Variants in ANTXR1 observed in about 807,000 individuals in gnomAD.
ANTXR1 encodes anthrax toxin receptor 1.
Under a neutral mutation model 78.1 loss-of-function variants are expected in ANTXR1, and 19 were observed. That is an observed-to-expected ratio of 0.24 (90% CI 0.17 to 0.36). ANTXR1 has a LOEUF of 0.36. ANTXR1 is among the 10% of genes least tolerant of loss of function. The probability of loss-of-function intolerance (pLI) is 1.00; values close to 1 mark genes in which losing one functional copy is unlikely to be tolerated. For synonymous variants in ANTXR1, 273 were observed against 260.5 expected, an observed-to-expected ratio of 1.05 and a Z score of -0.46; for missense variants, 518 against 718.6, an observed-to-expected ratio of 0.72 and a Z score of 3.19.
intron 16 of ANTXR1, among the ~76,000 whole-genome samples, chr2:69,192,931 A>G (rs6744159): frequency 0.072 from 10,391 of 145,128 alleles, 871 homozygotes; most frequent in African/African-American, 0.22. Context: ...TCCAGAATTT[A>G]TCATTAGTGT....
At chr2:69,231,575 G>C (rs1445463742) in intron 17 of ANTXR1, among the ~76,000 whole-genome samples, 1 of 152,126 alleles carries the variant, frequency 6.6e-6, no homozygotes, top group Non-Finnish European at 1.5e-5. Context: ...ACTATAATTT[G>C]CTATTTTTCC....
intron 8 of ANTXR1, among the ~76,000 whole-genome samples, chr2:69,089,237 A>G (rs1245754771): frequency 6.6e-6 from 1 of 152,240 alleles, no homozygotes; most frequent in Non-Finnish European, 1.5e-5. Context: ...GGTGACATTC[A>G]GGTACATAGA....
intron 9 of ANTXR1, among the ~76,000 whole-genome samples, chr2:69,094,161 C>A (rs1219717338): frequency 1.3e-5 from 2 of 152,166 alleles, no homozygotes; most frequent in Admixed American, 6.5e-5. Flanking sequence ...GAGGCGTAGC[C>A]CCTCTGTGAC....
intron 7 of ANTXR1, among the ~76,000 whole-genome samples, chr2:69,076,402 T>A (rs539010038): frequency 6.6e-6 from 1 of 152,358 alleles, no homozygotes; most frequent in South Asian, 2.1e-4. Context: ...CAAAAAAATG[T>A]GTATAGGTGC....
At chr2:69,122,004 C>T (rs531632910) in intron 10 of ANTXR1, among the ~76,000 whole-genome samples, 10 of 152,368 alleles carry the variant, frequency 6.6e-5, no homozygotes, top group African/African-American at 2.4e-4. Flanking sequence ...TCTACAGCTA[C>T]ATCTGCTATG....
At chr2:69,219,547 TCTTA>T (rs955539685) in intron 17 of ANTXR1, among the ~76,000 whole-genome samples, 3 of 152,202 alleles carry the variant, frequency 2.0e-5, no homozygotes, top group Non-Finnish European at 4.4e-5. Flanking sequence ...ATTGAGTATT[TCTTA>T]CTGAGTTGTA....
chr2:69,127,893 A>G (rs1672594542), intron 12 of ANTXR1, among the ~76,000 whole-genome samples: 1 of 152,110 alleles, frequency 6.6e-6, no homozygotes, highest in African/African-American at 2.4e-5. Flanking sequence ...CAATCAGGGA[A>G]TCAGTTTTGC....
chr2:69,141,004 C>T (rs1261610422), intron 12 of ANTXR1, among the ~76,000 whole-genome samples: 1 of 152,150 alleles, frequency 6.6e-6, no homozygotes, highest in Non-Finnish European at 1.5e-5. Flanking sequence ...TATGGTTGAT[C>T]AGCTTTGATC....
At chr2:69,043,546 C>A (rs1669672590) in intron 2 of ANTXR1, among the ~76,000 whole-genome samples, 1 of 152,118 alleles carries the variant, frequency 6.6e-6, no homozygotes. Context: ...GTTTTAGGGA[C>A]CAATATTCAA....
intron 17 of ANTXR1, among the ~76,000 whole-genome samples, chr2:69,210,935 C>CAAAAAAA (rs1159790329): frequency 2.3e-4 from 10 of 43,478 alleles, no homozygotes; most frequent in African/African-American, 5.1e-4. Flanking sequence ...GACTCCATCA[C>CAAAAAAA]AAAAAAAAAA....
At chr2:69,152,572 G>A (rs190605150) in intron 13 of ANTXR1, among the ~76,000 whole-genome samples, 8 of 152,212 alleles carry the variant, frequency 5.3e-5, no homozygotes, top group South Asian at 2.1e-4. Context: ...AGTGTTATTC[G>A]ACATGTAATG....
rs1038793388 is a variant in ANTXR1, at chr2:69,125,901, C to G, written c.951+1258C>G. 2.6e-5 allele frequency among the ~76,000 whole-genome samples: 4 copies of G among 152,016 alleles called. No individual in the cohort carries two copies. The South Asian group carries it at 8.3e-4, about 32-fold the overall frequency. ...TGAGCATTTCCAAAATAACCTTTGT[C>G]GGCGTATTCAGTTTCTTTAACTGAA... On this transcript the variant is annotated intron_variant, in intron 12 of 17. Transcript: ENST00000303714.
chr2:69,171,293 G>C (rs927476178), intron 14 of ANTXR1, among the ~76,000 whole-genome samples: 1 of 152,166 alleles, frequency 6.6e-6, no homozygotes, highest in African/African-American at 2.4e-5. Flanking sequence ...ATCAATTAAA[G>C]TGCATCTTGT....
In ANTXR1 at chr2:69,186,040, C is replaced by G. The variant is rs149151465; in HGVS notation, c.1353+3380C>G. Among the ~76,000 whole-genome samples the G allele has an allele frequency of 4.4e-3, 667 of 152,254 alleles. 3 individuals are homozygous for G. Among genetic ancestry groups the G allele is most frequent in the Non-Finnish European group, 5.1e-3 (345 of 68,014 alleles). On this transcript the variant is annotated intron_variant, in intron 16 of 17. Transcript: ENST00000303714. The stretch of plus-strand genomic sequence containing the variant: ...AGATTTGACCCCCCGCAGGCACCAG[C>G]TATGCTTTGAATCCCCAGTAAACAG...
At chr2:69,082,182 T>G (rs753864419) in intron 8 of ANTXR1, among the ~76,000 whole-genome samples, 3 of 152,114 alleles carry the variant, frequency 2.0e-5, no homozygotes, top group Non-Finnish European at 4.4e-5. Context: ...GGGGAGCACT[T>G]TGCCTCTTAC....
intron 17 of ANTXR1, among the ~76,000 whole-genome samples, chr2:69,234,903 G>A (rs1429584837): frequency 2.7e-5 from 4 of 148,476 alleles, no homozygotes; most frequent in African/African-American, 5.0e-5. Flanking sequence ...TGCAGAACCA[G>A]ATCTCTTGAA....
At chr2:69,082,523 C>T (rs4241346) in intron 8 of ANTXR1, among the ~76,000 whole-genome samples, 64,162 of 151,892 alleles carry the variant, frequency 0.42, 15,068 homozygotes, top group Middle Eastern at 0.56. Flanking sequence ...CACCAGCCCT[C>T]GAGCAAAAGT....
At chr2:69,159,209 C>T (rs1292529814) in intron 13 of ANTXR1, among the ~76,000 whole-genome samples, 1 of 151,834 alleles carries the variant, frequency 6.6e-6, no homozygotes, top group Admixed American at 6.6e-5. Context: ...AGAAATAGGC[C>T]CATTTTATTG....
chr2:69,077,514 T>C (rs1670771518), intron 8 of ANTXR1, 26 bp downstream of exon 8: 4 of 1,612,408 alleles, frequency 2.5e-6, no homozygotes, highest in South Asian at 2.2e-5. Context: ...CCTCTGAGAC[T>C]AGACATTCAG....
Sources: allele counts gnomAD v4.1 joint callset (sites outside exome capture counted in the v4.1 genomes callset), GRCh38; gene constraint gnomAD v4.1.1; transcripts MANE v1.5; gene names NCBI Gene and HGNC (gene_info 2026-07-23, HGNC 2026-07-21).